The following CNTN5 variants were observed in gnomAD, a reference collection of about 807,000 sequenced individuals.
CNTN5 encodes contactin 5.
CNTN5 carries 77 observed loss-of-function variants against 129.1 expected under a neutral mutation model. That is an observed-to-expected ratio of 0.60 (90% CI 0.50 to 0.72). The LOEUF (loss-of-function observed/expected upper bound fraction) is 0.72. Ranked by LOEUF, CNTN5 falls within the 30% of genes least tolerant of loss-of-function variation. The probability of loss-of-function intolerance (pLI) is 0.00; values close to 1 mark genes in which losing one functional copy is unlikely to be tolerated. For missense variants in CNTN5, 1,478 were observed against 1,328.8 expected, an observed-to-expected ratio of 1.11 and a Z score of -1.75; for synonymous variants, 509 against 465.6, an observed-to-expected ratio of 1.09 and a Z score of -1.20.
At chr11:99,768,248 A>C (rs1026679573) in intron 3 of CNTN5, among the ~76,000 whole-genome samples, 3 of 152,126 alleles carry the variant, frequency 2.0e-5, no homozygotes, top group Non-Finnish European at 4.4e-5. Context: ...AGTTATATAC[A>C]TCCACAGATT....
intron 1 of CNTN5, among the ~76,000 whole-genome samples, chr11:99,307,425 G>T (rs1322328562): frequency 6.6e-6 from 1 of 152,066 alleles, no homozygotes; most frequent in African/African-American, 2.4e-5. Flanking sequence ...TTCACCTGGT[G>T]AACAGTCTAA....
At chr11:99,541,102 T>C (rs1948090709) in intron 2 of CNTN5, among the ~76,000 whole-genome samples, 2 of 152,100 alleles carry the variant, frequency 1.3e-5, no homozygotes, top group Admixed American at 1.3e-4. Context: ...TGAAGAATCG[T>C]AACAACTCCA....
intron 2 of CNTN5, among the ~76,000 whole-genome samples, chr11:99,394,889 G>T (rs1444527805): frequency 6.6e-6 from 1 of 151,824 alleles, no homozygotes; most frequent in Non-Finnish European, 1.5e-5. Flanking sequence ...CTTTTTTATT[G>T]CATAGTATTC....
intron 3 of CNTN5, among the ~76,000 whole-genome samples, chr11:99,669,406 G>A (rs1478326301): frequency 6.6e-6 from 1 of 151,716 alleles, no homozygotes; most frequent in African/African-American, 2.4e-5. Flanking sequence ...GCCTAGATGA[G>A]CAGTTCTTGA....
chr11:99,590,747 G>A (rs1949953045), intron 3 of CNTN5, among the ~76,000 whole-genome samples: 2 of 152,126 alleles, frequency 1.3e-5, no homozygotes, highest in South Asian at 4.1e-4. Context: ...TAAGCAAAGG[G>A]AACAATGGTT....
chr11:99,400,840 C>A (rs1357137778), intron 2 of CNTN5, among the ~76,000 whole-genome samples: 1 of 152,112 alleles, frequency 6.6e-6, no homozygotes, highest in Non-Finnish European at 1.5e-5. Flanking sequence ...TGACGTAGAG[C>A]ACCTTTTCAT....
chr11:100,039,364 G>A (rs1683500056), intron 9 of CNTN5, among the ~76,000 whole-genome samples: 1 of 152,132 alleles, frequency 6.6e-6, no homozygotes. Flanking sequence ...GCTTCCCTTT[G>A]AGGGTAACCC....
At chr11:99,978,995 A>G (rs1938173473) in intron 8 of CNTN5, among the ~76,000 whole-genome samples, 1 of 152,204 alleles carries the variant, frequency 6.6e-6, no homozygotes, top group Admixed American at 6.5e-5. Flanking sequence ...CGCTTTAACT[A>G]TGTGACCCAC....
chr11:99,551,049 C>G (rs1394261180), intron 2 of CNTN5, among the ~76,000 whole-genome samples: 1 of 152,072 alleles, frequency 6.6e-6, no homozygotes, highest in Non-Finnish European at 1.5e-5. Flanking sequence ...TGAAAGCCTC[C>G]AAGAATCCTG....
chr11:99,488,655 A>G (rs1945916468), intron 2 of CNTN5, among the ~76,000 whole-genome samples: 1 of 152,178 alleles, frequency 6.6e-6, no homozygotes, highest in Admixed American at 6.5e-5. Context: ...GTTATAGTGT[A>G]CCAATTTAAT....
At chr11:99,886,963 G>T (rs1270076139) in intron 6 of CNTN5, among the ~76,000 whole-genome samples, 1 of 152,094 alleles carries the variant, frequency 6.6e-6, no homozygotes, top group Non-Finnish European at 1.5e-5. Context: ...GAATATAAAA[G>T]ATAGGAAGAA....
intron 6 of CNTN5, among the ~76,000 whole-genome samples, chr11:99,881,763 G>A (rs1314864519): frequency 3.3e-5 from 5 of 152,198 alleles, no homozygotes; most frequent in African/African-American, 1.2e-4. Flanking sequence ...TCATTACTAT[G>A]ATTTGTAGCA....
At chr11:99,420,691 T>A (rs1280925236) in intron 2 of CNTN5, among the ~76,000 whole-genome samples, 1 of 152,120 alleles carries the variant, frequency 6.6e-6, no homozygotes, top group Non-Finnish European at 1.5e-5. Context: ...CCTGATAAAT[T>A]GAAAGCAGTC....
intron 3 of CNTN5, among the ~76,000 whole-genome samples, chr11:99,637,154 A>C (rs1951594050): frequency 6.6e-6 from 1 of 151,214 alleles, no homozygotes; most frequent in African/African-American, 2.4e-5. Context: ...TTAAAATGTA[A>C]TTGTTTTCTA....
intron 6 of CNTN5, among the ~76,000 whole-genome samples, chr11:99,891,679 C>T (rs1296921896): frequency 1.4e-4 from 22 of 152,228 alleles, no homozygotes; most frequent in African/African-American, 3.4e-4. Context: ...TTTATGGCTG[C>T]GTGGTATTCC....
chr11:100,242,059 A>G (rs566849844), intron 16 of CNTN5, among the ~76,000 whole-genome samples: 267 of 152,262 alleles, frequency 1.8e-3, no homozygotes, highest in African/African-American at 6.3e-3. Flanking sequence ...TTCACACTCA[A>G]AATAAAATCC....
At chr11:100,049,318 T>A (rs1036148344) in intron 9 of CNTN5, among the ~76,000 whole-genome samples, 3 of 152,108 alleles carry the variant, frequency 2.0e-5, no homozygotes, top group Admixed American at 2.0e-4. Flanking sequence ...GTAAGCATAA[T>A]ATTGTCAGAT....
chr11:100,330,549 G>A (rs976996578), intron 21 of CNTN5, among the ~76,000 whole-genome samples: 1 of 149,034 alleles, frequency 6.7e-6, no homozygotes, highest in South Asian at 2.1e-4. Flanking sequence ...AAGTCAAGAC[G>A]AAGGAAATTT....
chr11:100,338,914 C>T (rs1165028619), intron 21 of CNTN5, among the ~76,000 whole-genome samples: 2 of 151,960 alleles, frequency 1.3e-5, no homozygotes, highest in Non-Finnish European at 1.5e-5. Context: ...GTGGGGCCTG[C>T]ACTGGTTCCC....
Sources: gnomAD v4.1 joint callset for allele counts (sites outside exome capture counted in the v4.1 genomes callset) on GRCh38, gnomAD v4.1.1 for gene constraint, MANE v1.5 for transcripts, NCBI Gene and HGNC (gene_info 2026-07-23, HGNC 2026-07-21) for gene names.